GLI2: variants seen among roughly 807,000 people sequenced by gnomAD.
GLI2 encodes GLI family zinc finger 2, also known as transcription activator GLI2.
In GLI2, 22 loss-of-function variants were observed where a neutral mutation model predicts 78.9. The ratio of observed to expected loss-of-function variants is 0.28; its 90% CI spans 0.20 to 0.40. The LOEUF (loss-of-function observed/expected upper bound fraction) is 0.40. Ranked by LOEUF, GLI2 falls within the 10% of genes least tolerant of loss-of-function variation. GLI2 has a pLI of 1.00. For missense variants in GLI2, 2,097 were observed against 2,213.2 expected (o/e 0.95, Z 1.05); for synonymous variants, 974 against 963.7 (o/e 1.01, Z -0.20).
chr2:120,835,116 C>A (rs1372490725), intron 2 of GLI2, among the ~76,000 whole-genome samples: 1 of 152,178 alleles, frequency 6.6e-6, no homozygotes, highest in Non-Finnish European at 1.5e-5. Context: ...GGAAAGTGAT[C>A]ATCAAACAGT....
intron 1 of GLI2, among the ~76,000 whole-genome samples, chr2:120,796,046 A>AAAAC (rs549499204): frequency 9.4e-4 from 143 of 152,262 alleles, no homozygotes; most frequent in Middle Eastern, 6.8e-3. Flanking sequence ...CTCCAGCTCA[A>AAAAC]AAACAAACAA....
At chr2:120,824,529 GT>G (rs1242061425) in intron 2 of GLI2, among the ~76,000 whole-genome samples, 2 of 152,222 alleles carry the variant, frequency 1.3e-5, no homozygotes, top group Non-Finnish European at 2.9e-5. Flanking sequence ...CGGCTCCAGA[GT>G]GTCCCTCCAG....
In GLI2 at chr2:120,736,037, G is replaced by A. The variant is rs996565158; in HGVS notation, c.-279G>A. Reference sequence around the variant, plus strand: ...GCCGCAGGAGGAGCCGGAGGAAAGAGCTTGGGCCGCGCGGCGCGCCGCAGC... The same window carrying A: ...GCCGCAGGAGGAGCCGGAGGAAAGAACTTGGGCCGCGCGGCGCGCCGCAGC... On this transcript the variant is annotated 5_prime_UTR_variant, in exon 1 of 14. Transcript: ENST00000361492. Among the ~76,000 whole-genome samples, 25 of 151,720 alleles carry A rather than the reference G, an allele frequency of 1.6e-4. No homozygotes were observed. Among genetic ancestry groups the A allele is most frequent in the African/African-American group, 6.0e-4 (25 of 41,376 alleles).
intron 5 of GLI2, among the ~76,000 whole-genome samples, chr2:120,966,801 C>T (rs971991811): frequency 1.4e-4 from 22 of 152,318 alleles, no homozygotes; most frequent in African/African-American, 2.9e-4. Context: ...GTGGGGGGCT[C>T]AGAGGCTCGT....
intron 6 of GLI2, 101 bp from the exon 7 acceptor site, chr2:120,970,292 C>T: frequency 1.4e-6 from 1 of 700,726 alleles, no homozygotes; most frequent in Non-Finnish European, 2.6e-6. Context: ...GCAACATGCT[C>T]ATCCCTATCC....
chr2:120,929,324 G>A (rs1301041876), intron 3 of GLI2, among the ~76,000 whole-genome samples: 1 of 152,192 alleles, frequency 6.6e-6, no homozygotes, highest in Non-Finnish European at 1.5e-5. Flanking sequence ...TAATTAATAA[G>A]TATTTTGTGG....
At chr2:120,897,852 C>G (rs1457809374) in intron 2 of GLI2, among the ~76,000 whole-genome samples, 1 of 152,156 alleles carries the variant, frequency 6.6e-6, no homozygotes, top group Non-Finnish European at 1.5e-5. Context: ...AGGGTGCTAA[C>G]ATTTTATGAG....
intron 2 of GLI2, among the ~76,000 whole-genome samples, chr2:120,872,940 T>C (rs1688544287): frequency 6.6e-6 from 1 of 152,130 alleles, no homozygotes; most frequent in Admixed American, 6.5e-5. Flanking sequence ...TAAATGTGAG[T>C]GACAGACACG....
At chr2:120,937,715 A>G (rs1680264776) in intron 3 of GLI2, among the ~76,000 whole-genome samples, 1 of 152,220 alleles carries the variant, frequency 6.6e-6, no homozygotes, top group Non-Finnish European at 1.5e-5. Context: ...CATACTCATG[A>G]AGGCTTGGTA....
chr2:120,985,649 A>T (rs1682938227), intron 12 of GLI2, among the ~76,000 whole-genome samples: 2 of 152,292 alleles, frequency 1.3e-5, no homozygotes, highest in South Asian at 4.1e-4. Flanking sequence ...ATCTGGTGCA[A>T]GCCTCATCTG....
chr2:120,859,891 G>A (rs962020728), intron 2 of GLI2, among the ~76,000 whole-genome samples: 2 of 152,118 alleles, frequency 1.3e-5, no homozygotes, highest in African/African-American at 4.8e-5. Flanking sequence ...GACCTCAGAC[G>A]ATCTGCCCAC....
chr2:120,958,338 A>G (rs2104976181), intron 5 of GLI2, among the ~76,000 whole-genome samples: 1 of 152,168 alleles, frequency 6.6e-6, no homozygotes, highest in Middle Eastern at 3.4e-3. Context: ...CTCTTGCAGG[A>G]TTCTGTATCT....
chr2:120,861,239 G>A (rs1687886822), intron 2 of GLI2, among the ~76,000 whole-genome samples: 1 of 152,216 alleles, frequency 6.6e-6, no homozygotes. Flanking sequence ...TGTCTGTTCA[G>A]TGTGGTTCAT....
At chr2:120,813,804 T>A (rs1391117973) in intron 2 of GLI2, among the ~76,000 whole-genome samples, 1 of 152,202 alleles carries the variant, frequency 6.6e-6, no homozygotes, top group Non-Finnish European at 1.5e-5. Context: ...TTCCCCACCA[T>A]CCAAGGGAAG....
chr2:120,927,502 C>T, intron 3 of GLI2, 36 bp downstream of exon 3: 1 of 1,394,022 alleles, frequency 7.2e-7, no homozygotes, highest in Non-Finnish European at 1.0e-6. Context: ...TCCTGGCGTG[C>T]AGTCACCTGC....
intron 2 of GLI2, among the ~76,000 whole-genome samples, chr2:120,853,879 C>T (rs117776084): frequency 3.1e-4 from 47 of 152,116 alleles, no homozygotes; most frequent in East Asian, 1.8e-3. Flanking sequence ...TGCATTTGCA[C>T]GGTGGTGGTA....
At chr2:120,745,277 G>A (rs1359361688) in intron 1 of GLI2, among the ~76,000 whole-genome samples, 3 of 152,192 alleles carry the variant, frequency 2.0e-5, no homozygotes, top group South Asian at 2.1e-4. Context: ...GAACTGCAGC[G>A]CCATCAGGAT....
chr2:120,781,996 G>C (rs1327382965), intron 1 of GLI2, among the ~76,000 whole-genome samples: 3 of 151,846 alleles, frequency 2.0e-5, no homozygotes, highest in African/African-American at 7.3e-5. Flanking sequence ...CATTTTCCTA[G>C]TTGCAGTTAT....
At chr2:120,825,470 GTGTGCATCTGGCTGT>G (rs1686006757) in intron 2 of GLI2, among the ~76,000 whole-genome samples, 1 of 139,126 alleles carries the variant, frequency 7.2e-6, no homozygotes, top group African/African-American at 3.4e-5. Context: ...CTGGCTGTGA[GTGTGCATCTGGCTGT>G]GAGTGTGACC....
Sources: gnomAD v4.1 joint callset for allele counts (sites outside exome capture counted in the v4.1 genomes callset) on GRCh38, gnomAD v4.1.1 for gene constraint, MANE v1.5 for transcripts, NCBI Gene and HGNC (gene_info 2026-07-23, HGNC 2026-07-21) for gene names.